The following FARS2 variants were observed in gnomAD, a reference collection of about 807,000 sequenced individuals.
FARS2 encodes phenylalanine--tRNA ligase, mitochondrial.
A neutral mutation model predicts 46.4 loss-of-function variants in FARS2; 40 were observed. That is an observed-to-expected ratio of 0.86 (90% confidence interval 0.67 to 1.12). The LOEUF is 1.12. FARS2 is among the 50% of genes most tolerant of loss of function. The pLI is 0.00. For missense variants in FARS2, 513 were observed against 567.9 expected, an observed-to-expected ratio of 0.90 and a Z score of 0.98; for synonymous variants, 234 against 214.9, an observed-to-expected ratio of 1.09 and a Z score of -0.78.
rs574357541 is a variant in FARS2, at chr6:5,298,109, CT to C, written c.-22+36453del. 1.1e-4 allele frequency among the ~76,000 whole-genome samples: 16 copies of C among 152,338 alleles called. No individual in the cohort carries two copies. The East Asian group carries it at 3.1e-3, about 29-fold the overall frequency. Reference sequence around the variant, plus strand: ...GAAACTTACACATTTCTCTGTATTACTTTTGTGAAGAGGATATGCATTTTCC... The same window carrying C: ...GAAACTTACACATTTCTCTGTATTACTTTGTGAAGAGGATATGCATTTTCC... On this transcript the variant is annotated intron_variant, in intron 1 of 6. Coordinates refer to ENST00000274680, the MANE Select transcript of FARS2 (RefSeq NM_006567.5).
At chr6:5,381,625 C>A (rs767514565) in intron 2 of FARS2, among the ~76,000 whole-genome samples, 1 of 152,208 alleles carries the variant, frequency 6.6e-6, no homozygotes. Flanking sequence ...CTTTCCACAT[C>A]TGCCACTTTT....
At chr6:5,533,599 G>C (rs2150464050) in intron 4 of FARS2, among the ~76,000 whole-genome samples, 1 of 152,328 alleles carries the variant, frequency 6.6e-6, no homozygotes, top group East Asian at 1.9e-4. Context: ...GCTAGCAGGG[G>C]AGTCTGAAGG....
intron 6 of FARS2, among the ~76,000 whole-genome samples, chr6:5,679,583 C>G (rs1443827656): frequency 6.6e-6 from 1 of 152,156 alleles, no homozygotes; most frequent in African/African-American, 2.4e-5. Flanking sequence ...TTCCCAGGGT[C>G]TCCTAAACAG....
chr6:5,697,659 A>G (rs1320379619), intron 6 of FARS2, among the ~76,000 whole-genome samples: 1 of 152,250 alleles, frequency 6.6e-6, no homozygotes, highest in East Asian at 1.9e-4. Context: ...ATCATGAGAT[A>G]TAACTAAAAT....
At chr6:5,416,784 T>C (rs1005557745) in intron 3 of FARS2, among the ~76,000 whole-genome samples, 2 of 152,214 alleles carry the variant, frequency 1.3e-5, no homozygotes, top group Non-Finnish European at 2.9e-5. Flanking sequence ...TGTTTTGTTA[T>C]TGTAGCAGTT....
At chr6:5,717,080 TCCC>T (rs113410047) in intron 6 of FARS2, among the ~76,000 whole-genome samples, 29 of 152,116 alleles carry the variant, frequency 1.9e-4, no homozygotes, top group African/African-American at 6.5e-4. Context: ...CAACATTCCT[TCCC>T]CCTGGGATGA....
intron 6 of FARS2, chr6:5,695,370 T>C (rs923460688): frequency 6.6e-6 from 1 of 152,274 alleles, no homozygotes; most frequent in African/African-American, 2.4e-5. Flanking sequence ...TTCCCAGTGC[T>C]TTCTCTGCCT....
At chr6:5,756,749 C>T (rs1465749509) in intron 6 of FARS2, among the ~76,000 whole-genome samples, 1 of 152,180 alleles carries the variant, frequency 6.6e-6, no homozygotes. Context: ...TTTAGTTTAT[C>T]TTATTCTGCA....
At chr6:5,428,277 T>C (rs1762960790) in intron 3 of FARS2, among the ~76,000 whole-genome samples, 1 of 152,182 alleles carries the variant, frequency 6.6e-6, no homozygotes, top group African/African-American at 2.4e-5. Context: ...AACTCTTCCA[T>C]ATTTATTTAA....
intron 6 of FARS2, among the ~76,000 whole-genome samples, chr6:5,666,680 C>T (rs1259047333): frequency 6.6e-6 from 1 of 152,120 alleles, no homozygotes; most frequent in Non-Finnish European, 1.5e-5. Context: ...CCTCAAAGAC[C>T]TAAAAACAGA....
At chr6:5,617,874 C>G (rs1160151342) in intron 6 of FARS2, among the ~76,000 whole-genome samples, 1 of 152,072 alleles carries the variant, frequency 6.6e-6, no homozygotes, top group Non-Finnish European at 1.5e-5. Context: ...TATTGACAGC[C>G]AAAGCAAAAC....
intron 6 of FARS2, among the ~76,000 whole-genome samples, chr6:5,635,555 T>G (rs941295666): frequency 6.6e-6 from 1 of 152,216 alleles, no homozygotes; most frequent in Non-Finnish European, 1.5e-5. Flanking sequence ...TCTTTTTTTA[T>G]GCACAGTAAG....
At position 5,443,512 on chromosome 6, in the gene FARS2, G is replaced by T. The variant is rs118109260; in HGVS notation, c.904+12340G>T. On this transcript the variant is annotated intron_variant, in intron 4 of 6. Coordinates refer to ENST00000274680, the MANE Select transcript of FARS2 (RefSeq NM_006567.5). Reference sequence around the variant, plus strand: ...ATTAGCAGATGTGACAGGAAAAGAGGCTTGAAATGTACTTGGCAGTTGTTT... The same window carrying T: ...ATTAGCAGATGTGACAGGAAAAGAGTCTTGAAATGTACTTGGCAGTTGTTT... Among the ~76,000 whole-genome samples, 5 of 152,316 alleles carry T rather than the reference G, an allele frequency of 3.3e-5. No homozygotes were observed. The East Asian group carries it at 9.7e-4, about 29-fold the overall frequency.
Position 5,771,306 on chromosome 6 carries a change from C to T in FARS2, c.1233C>T (p.Ser411=). The change falls in exon 7 of 7, where the codon AGC becomes AGT. Residue 411 remains serine, a synonymous_variant. Transcript: ENST00000274680. ...KFVHPKTHKT[S]HCYRITYRHM... The stretch of plus-strand genomic sequence containing the variant: ...CTCTCTGTAGGACGCACAAGACCAG[C>T]CACTGCTACCGCATCACGTACCGCC... The T allele has an allele frequency of 6.2e-7, 1 of 1,614,178 alleles. No homozygotes were observed. Among genetic ancestry groups the T allele is most frequent in the Non-Finnish European group, 8.5e-7 (1 of 1,180,018 alleles).
chr6:5,717,935 T>TAGAGAGAG (rs546191530), intron 6 of FARS2, among the ~76,000 whole-genome samples: 5 of 135,618 alleles, frequency 3.7e-5, no homozygotes, highest in African/African-American at 9.2e-5. Context: ...TATATATATA[T>TAGAGAGAG]ACAGAGTCTC....
intron 6 of FARS2, among the ~76,000 whole-genome samples, chr6:5,650,063 T>G (rs1777273432): frequency 6.6e-6 from 1 of 152,130 alleles, no homozygotes; most frequent in Non-Finnish European, 1.5e-5. Context: ...TTCTTTCCTG[T>G]TAGGAAACCT....
At chr6:5,402,158 T>G (rs1355549362) in intron 2 of FARS2, among the ~76,000 whole-genome samples, 4 of 152,066 alleles carry the variant, frequency 2.6e-5, no homozygotes, top group Non-Finnish European at 5.9e-5. Context: ...CATTAAATCT[T>G]GATTGATTCC....
intron 1 of FARS2, among the ~76,000 whole-genome samples, chr6:5,303,110 G>T (rs1465673678): frequency 6.6e-6 from 1 of 152,198 alleles, no homozygotes; most frequent in East Asian, 1.9e-4. Context: ...AGATCATACA[G>T]GGAGAAGAGT....
intron 5 of FARS2, among the ~76,000 whole-genome samples, chr6:5,584,673 C>T (rs956364328): frequency 3.3e-5 from 5 of 152,080 alleles, no homozygotes; most frequent in African/African-American, 7.2e-5. Context: ...GTTTTATCAG[C>T]ATGTTTTTTT....
Sources: allele counts gnomAD v4.1 joint callset (sites outside exome capture counted in the v4.1 genomes callset), GRCh38; gene constraint gnomAD v4.1.1; transcripts MANE v1.5; gene names NCBI Gene and HGNC (gene_info 2026-07-23, HGNC 2026-07-21).